SH3RF2: variants seen among roughly 807,000 people sequenced by gnomAD.
SH3RF2 encodes E3 ubiquitin-protein ligase SH3RF2.
A neutral mutation model predicts 59.0 loss-of-function variants in SH3RF2; 43 were observed. That is an observed-to-expected ratio of 0.73 (90% CI 0.57 to 0.94). The LOEUF (loss-of-function observed/expected upper bound fraction) is 0.94, where lower values mean the gene tolerates loss of function less well. SH3RF2 is among the 40% of genes least tolerant of loss of function. The probability of loss-of-function intolerance (pLI) is 0.00; values close to 1 mark genes in which losing one functional copy is unlikely to be tolerated. For synonymous variants in SH3RF2, 391 were observed against 391.5 expected (o/e 1.00, Z 0.01); for missense variants, 930 against 940.1 (o/e 0.99, Z 0.14).
chr5:146,057,609 TG>T (rs1762715693), intron 8 of SH3RF2, among the ~76,000 whole-genome samples: 1 of 152,194 alleles, frequency 6.6e-6, no homozygotes, highest in African/African-American at 2.4e-5. Flanking sequence ...AGATCATCTT[TG>T]GTCCATCCAG....
At chr5:145,958,211 T>C (rs143627727) in intron 2 of SH3RF2, among the ~76,000 whole-genome samples, 310 of 152,280 alleles carry the variant, frequency 2.0e-3, no homozygotes, top group African/African-American at 7.2e-3. Context: ...GGAGCCTCAG[T>C]TTCCTCCTCT....
intron 4 of SH3RF2, among the ~76,000 whole-genome samples, chr5:146,009,370 A>C (rs914578429): frequency 4.0e-5 from 6 of 151,810 alleles, no homozygotes; most frequent in Admixed American, 3.3e-4. Flanking sequence ...TTCTCCTTAC[A>C]TGCTCTGTTC....
chr5:146,034,444 C>A (rs933853328), intron 5 of SH3RF2, among the ~76,000 whole-genome samples: 1 of 152,204 alleles, frequency 6.6e-6, no homozygotes, highest in Admixed American at 6.5e-5. Context: ...AGGACAACTT[C>A]TGATTTCCGC....
At chr5:145,948,835 T>G (rs1017666384) in intron 2 of SH3RF2, among the ~76,000 whole-genome samples, 1 of 152,320 alleles carries the variant, frequency 6.6e-6, no homozygotes, top group Non-Finnish European at 1.5e-5. Flanking sequence ...TGTAACAGAC[T>G]GTACAGTGCT....
chr5:145,983,029 A>G (rs190194770), intron 2 of SH3RF2, among the ~76,000 whole-genome samples: 2 of 152,284 alleles, frequency 1.3e-5, no homozygotes, highest in African/African-American at 4.8e-5. Context: ...CTAAAATCCC[A>G]GTTGTAGAAA....
At chr5:145,940,779 T>C (rs550957596) in intron 2 of SH3RF2, among the ~76,000 whole-genome samples, 1 of 152,322 alleles carries the variant, frequency 6.6e-6, no homozygotes, top group African/African-American at 2.4e-5. Context: ...TTCTGTAAAA[T>C]GGGAAGATGT....
chr5:145,963,912 A>C (rs533988555), intron 2 of SH3RF2, among the ~76,000 whole-genome samples: 2 of 150,274 alleles, frequency 1.3e-5, no homozygotes, highest in East Asian at 2.0e-4. Flanking sequence ...GGCTCACTGC[A>C]AACTCCGCCT....
In SH3RF2 at chr5:145,958,314, A is replaced by G. The variant is rs531792489; in HGVS notation, c.378+20008A>G. Among the ~76,000 whole-genome samples, 4 of 152,254 alleles carry G rather than the reference A, an allele frequency of 2.6e-5. No homozygotes were observed. The South Asian group carries it at 8.3e-4, about 32-fold the overall frequency. On this transcript the variant is annotated intron_variant, in intron 2 of 9. Transcript: ENST00000359120. Reference sequence around the variant, plus strand: ...ATTAGTTGTTCCAGAGTCAACTCAGACCACCTCCCTGAATGGCCCCAGCTG... The same window carrying G: ...ATTAGTTGTTCCAGAGTCAACTCAGGCCACCTCCCTGAATGGCCCCAGCTG...
In SH3RF2 at chr5:146,056,119, G is replaced by A. The variant is rs1175867532; in HGVS notation, c.1461G>A (p.Val487=). The part of the protein sequence containing the change: ...RQSRPFKSVF[V]PTAIVNPVRS... Reference sequence around the variant, plus strand: ...GCCGTCCCTTCAAATCCGTCTTTGTGCCCACTGCCATAGTCAACCCCGTGA... The same window carrying A: ...GCCGTCCCTTCAAATCCGTCTTTGTACCCACTGCCATAGTCAACCCCGTGA... Residue 487 remains valine, a synonymous_variant, in exon 8 of 10, where the codon GTG becomes GTA. Coordinates refer to ENST00000359120, the MANE Select transcript of SH3RF2 (RefSeq NM_152550.4). The A allele has an allele frequency of 1.1e-5, 17 of 1,614,082 alleles. No homozygotes were observed. Among genetic ancestry groups the A allele is most frequent in the African/African-American group, 2.7e-5 (2 of 74,922 alleles).
chr5:146,047,154 CGTGTGTGTGT>C (rs35750777), intron 5 of SH3RF2, among the ~76,000 whole-genome samples: 95 of 148,226 alleles, frequency 6.4e-4, no homozygotes, highest in Middle Eastern at 3.5e-3. Context: ...ATTGGATAGG[CGTGTGTGTGT>C]GTGTGTGTGT....
intron 2 of SH3RF2, among the ~76,000 whole-genome samples, chr5:145,956,777 G>A (rs898760986): frequency 6.6e-6 from 1 of 152,166 alleles, no homozygotes; most frequent in African/African-American, 2.4e-5. Context: ...TTGTGAAGGG[G>A]CAAGGAAGGA....
At chr5:145,993,561 C>T (rs1760033730) in intron 2 of SH3RF2, among the ~76,000 whole-genome samples, 1 of 152,228 alleles carries the variant, frequency 6.6e-6, no homozygotes, top group Admixed American at 6.5e-5. Flanking sequence ...CTTCTGTGTA[C>T]TTGCAGGCTC....
At position 145,963,897 on chromosome 5, in the gene SH3RF2, A is replaced by G. The variant is rs571446803; in HGVS notation, c.378+25591A>G. ...GCCCAGGCTGGAGTGCAGTGCCGCA[A>G]TCTCGGCTCACTGCAAACTCCGCCT... On this transcript the variant is annotated intron_variant, in intron 2 of 9. Coordinates refer to ENST00000359120, the MANE Select transcript of SH3RF2 (RefSeq NM_152550.4). Among the ~76,000 whole-genome samples the G allele has an allele frequency of 1.7e-4, 25 of 150,462 alleles. No individual in the cohort carries two copies. The East Asian group carries it at 4.3e-3, about 26-fold the overall frequency.
chr5:146,039,148 G>C (rs1345810127), intron 5 of SH3RF2, among the ~76,000 whole-genome samples: 7 of 152,096 alleles, frequency 4.6e-5, no homozygotes, highest in African/African-American at 1.7e-4. Flanking sequence ...ATCAATTCCA[G>C]GTGGATTAAA....
chr5:146,038,739 C>T (rs1009525941), intron 5 of SH3RF2, among the ~76,000 whole-genome samples: 1 of 152,138 alleles, frequency 6.6e-6, no homozygotes, highest in Non-Finnish European at 1.5e-5. Flanking sequence ...GTTGCTTCTC[C>T]CCCAAATTTA....
chr5:146,057,228 C>T (rs939649284), intron 8 of SH3RF2, among the ~76,000 whole-genome samples: 2 of 152,172 alleles, frequency 1.3e-5, no homozygotes, highest in Admixed American at 6.5e-5. Flanking sequence ...AAAGAAAGCA[C>T]ATATCTTAGC....
At chr5:146,025,459 G>A (rs1014463353) in intron 5 of SH3RF2, among the ~76,000 whole-genome samples, 3 of 152,238 alleles carry the variant, frequency 2.0e-5, no homozygotes, top group African/African-American at 4.8e-5. Context: ...TCCCACACTT[G>A]AGCCAAGATC....
chr5:146,075,696 A>G (rs1580962580), intron 9 of SH3RF2, among the ~76,000 whole-genome samples: 1 of 150,648 alleles, frequency 6.6e-6, no homozygotes, highest in East Asian at 2.0e-4. Flanking sequence ...CTGTAATCCC[A>G]GCTACCCGGG....
intron 9 of SH3RF2, among the ~76,000 whole-genome samples, chr5:146,073,147 C>A (rs1414921712): frequency 2.0e-5 from 3 of 152,224 alleles, no homozygotes; most frequent in Non-Finnish European, 4.4e-5. Context: ...GTTCTCTGAC[C>A]TTTCAGATAA....
Sources: allele counts gnomAD v4.1 joint callset (sites outside exome capture counted in the v4.1 genomes callset), GRCh38; gene constraint gnomAD v4.1.1; transcripts MANE v1.5; gene names NCBI Gene and HGNC (gene_info 2026-07-23, HGNC 2026-07-21).